PDE10A: variants seen among roughly 807,000 people sequenced by gnomAD.
The protein encoded by PDE10A is phosphodiesterase 10A.
In PDE10A, 39 loss-of-function variants were observed where a neutral mutation model predicts 97.7. The ratio of observed to expected loss-of-function variants is 0.40; its 90% CI spans 0.31 to 0.52. The LOEUF is 0.52. PDE10A is among the 20% of genes least tolerant of loss of function. The pLI, the probability that PDE10A is intolerant of heterozygous loss-of-function variation, is 0.56. For synonymous variants in PDE10A, 371 were observed against 376.8 expected (o/e 0.98, Z 0.18); for missense variants, 731 against 1,047.8 (o/e 0.70, Z 4.17).
chr6:165,343,551 T>G, intron 18 of PDE10A, 49 bp from the exon 19 acceptor site: 1 of 1,265,468 alleles, frequency 7.9e-7, no homozygotes, highest in Non-Finnish European at 1.2e-6. Flanking sequence ...TGCACATTTA[T>G]AGTAAGGACT....
chr6:165,609,422 G>A (rs1235234687), intron 1 of PDE10A, among the ~76,000 whole-genome samples: 1 of 152,178 alleles, frequency 6.6e-6, no homozygotes, highest in East Asian at 1.9e-4. Flanking sequence ...GCAAAAACTG[G>A]AAGCATTCCC....
chr6:165,822,951 A>G (rs1779616061), intron 1 of PDE10A, among the ~76,000 whole-genome samples: 1 of 151,894 alleles, frequency 6.6e-6, no homozygotes, highest in Admixed American at 6.6e-5. Context: ...TTTCCTCCTC[A>G]GCCTCCTGAG....
intron 1 of PDE10A, among the ~76,000 whole-genome samples, chr6:165,931,908 G>C (rs888834563): frequency 6.6e-6 from 1 of 152,136 alleles, no homozygotes; most frequent in Admixed American, 6.5e-5. Context: ...AACAGAGGTT[G>C]AGCTGGACCA....
At chr6:165,550,827 A>G (rs1783978827) in intron 1 of PDE10A, among the ~76,000 whole-genome samples, 2 of 152,212 alleles carry the variant, frequency 1.3e-5, no homozygotes, top group Admixed American at 6.5e-5. Context: ...GAAATGTTCA[A>G]TGAAAGGAAA....
intron 1 of PDE10A, among the ~76,000 whole-genome samples, chr6:165,695,376 C>G (rs1277856927): frequency 1.3e-5 from 2 of 152,134 alleles, no homozygotes; most frequent in Non-Finnish European, 2.9e-5. Context: ...AAGAATGCAC[C>G]TCTGTTCCCT....
chr6:165,928,144 A>G (rs889318174), intron 1 of PDE10A, among the ~76,000 whole-genome samples: 5 of 152,092 alleles, frequency 3.3e-5, no homozygotes, highest in Non-Finnish European at 7.4e-5. Context: ...ATTTAAAGTA[A>G]GTATGTTAAA....
At chr6:165,447,095 C>CA (rs3837012) in intron 5 of PDE10A, among the ~76,000 whole-genome samples, 167 of 137,660 alleles carry the variant, frequency 1.2e-3, no homozygotes, top group East Asian at 7.8e-3. Context: ...GCAAATAAAG[C>CA]AAAAAAAAAA....
At chr6:165,751,077 G>A (rs1250288388) in intron 1 of PDE10A, among the ~76,000 whole-genome samples, 1 of 152,160 alleles carries the variant, frequency 6.6e-6, no homozygotes, top group Admixed American at 6.5e-5. Context: ...CTGGGGGAGA[G>A]AAGAAGGGAG....
rs537192 is a variant in PDE10A at position 165,334,326 on chromosome 6, C to T, written c.3066-1199G>A. ...CCATAGCGCCTTACAGCGCCGGGCA[C>T]GCGCCTCCATAGCGCCCTACAGCGC... On this transcript the variant is annotated intron_variant, in intron 21 of 21. Transcript: ENST00000539869. Among the ~76,000 whole-genome samples, 1,061 of 147,180 alleles carry T rather than the reference C, an allele frequency of 7.2e-3. 26 individuals are homozygous for T. Among genetic ancestry groups the T allele is most frequent in the African/African-American group, 0.026 (1,017 of 39,542 alleles).
chr6:165,387,380 C>T (rs943986665), intron 17 of PDE10A, among the ~76,000 whole-genome samples: 6 of 152,056 alleles, frequency 3.9e-5, no homozygotes, highest in East Asian at 1.9e-4. Context: ...CTACCAATCA[C>T]GTGGACAGTT....
intron 19 of PDE10A, among the ~76,000 whole-genome samples, chr6:165,341,935 G>C (rs73788354): frequency 0.081 from 12,344 of 152,184 alleles, 566 homozygotes; most frequent in Middle Eastern, 0.2. Context: ...TGTAACACTT[G>C]AGCTCACCGT....
At chr6:165,464,273 T>A (rs1778508269) in intron 3 of PDE10A, among the ~76,000 whole-genome samples, 1 of 152,214 alleles carries the variant, frequency 6.6e-6, no homozygotes, top group Non-Finnish European at 1.5e-5. Flanking sequence ...TACATATACA[T>A]ATATTAGGAG....
intron 1 of PDE10A, among the ~76,000 whole-genome samples, chr6:165,675,231 CTTTG>C (rs954026314): frequency 1.1e-4 from 16 of 152,096 alleles, no homozygotes; most frequent in East Asian, 1.9e-4. Context: ...TAAGTATCTG[CTTTG>C]TTTGTTTGTT....
At chr6:165,580,847 G>A (rs1022001973) in intron 1 of PDE10A, among the ~76,000 whole-genome samples, 7 of 151,322 alleles carry the variant, frequency 4.6e-5, no homozygotes, top group African/African-American at 1.7e-4. Flanking sequence ...AAAGAAGATG[G>A]TAAGTCTCCT....
chr6:165,688,112 C>T (rs1053746575), intron 1 of PDE10A, among the ~76,000 whole-genome samples: 1 of 152,242 alleles, frequency 6.6e-6, no homozygotes, highest in African/African-American at 2.4e-5. Flanking sequence ...CGTAGAGATA[C>T]ACATTTTCCT....
rs1272150792 is a variant in PDE10A, at chr6:165,343,083, G to C, written c.2895+308C>G. 5.3e-5 allele frequency among the ~76,000 whole-genome samples: 8 copies of C among 152,192 alleles called. No individual in the cohort carries two copies. The South Asian group carries it at 1.4e-3, about 28-fold the overall frequency. Reference sequence around the variant, plus strand: ...AGTGCCTATCTAAAGTAGATGGCCAGTAATGTTTATTGAATGAATGAACAA... The same window carrying C: ...AGTGCCTATCTAAAGTAGATGGCCACTAATGTTTATTGAATGAATGAACAA... On this transcript the variant is annotated intron_variant, in intron 19 of 21. Transcript: ENST00000539869.
At chr6:165,608,095 C>CATGTATATATATGTGT (rs1491517857) in intron 1 of PDE10A, among the ~76,000 whole-genome samples, 56 of 147,068 alleles carry the variant, frequency 3.8e-4, no homozygotes, top group South Asian at 1.7e-3. Context: ...TATATATGTG[C>CATGTATATATATGTGT]ATATATATAC....
At chr6:165,848,612 G>T (rs958414901) in intron 1 of PDE10A, among the ~76,000 whole-genome samples, 1 of 152,170 alleles carries the variant, frequency 6.6e-6, no homozygotes, top group East Asian at 1.9e-4. Context: ...TTGGGGGAGG[G>T]TGGTGATGCT....
intron 4 of PDE10A, among the ~76,000 whole-genome samples, chr6:165,449,765 G>T (rs1007328798): frequency 6.6e-6 from 1 of 151,960 alleles, no homozygotes; most frequent in Non-Finnish European, 1.5e-5. Flanking sequence ...GTCATAGTGG[G>T]TATCCTTCTG....
Sources: gnomAD v4.1 joint callset for allele counts (sites outside exome capture counted in the v4.1 genomes callset) on GRCh38, gnomAD v4.1.1 for gene constraint, MANE v1.5 for transcripts, NCBI Gene and HGNC (gene_info 2026-07-23, HGNC 2026-07-21) for gene names.